Variants in LOC128092253 observed in about 807,000 individuals in gnomAD.
the LOC128092253 span, among the ~76,000 whole-genome samples, chr6:133,961,144 G>A: frequency 2.1e-4 from 32 of 152,216 alleles, no homozygotes; most frequent in East Asian, 6.0e-3. Flanking sequence ...TATTGCTATC[G>A]TGAAAGATAT....
At chr6:133,968,398 C>T in the LOC128092253 span, among the ~76,000 whole-genome samples, 225 of 152,192 alleles carry the variant, frequency 1.5e-3, 1 homozygote, top group African/African-American at 5.2e-3. Flanking sequence ...CTCATCTTTG[C>T]GTTTGAATTT....
At chr6:133,975,365 A>T in the LOC128092253 span, among the ~76,000 whole-genome samples, 1 of 151,454 alleles carries the variant, frequency 6.6e-6, no homozygotes. Context: ...CAGAGACATG[A>T]ATTATTTTAA....
At chr6:133,978,399 A>G in the LOC128092253 span, among the ~76,000 whole-genome samples, 1 of 152,338 alleles carries the variant, frequency 6.6e-6, no homozygotes. Flanking sequence ...ACTGAGACAC[A>G]GGTTACATAA....
the LOC128092253 span, among the ~76,000 whole-genome samples, chr6:133,963,070 C>A: frequency 1.3e-5 from 2 of 152,126 alleles, no homozygotes; most frequent in Non-Finnish European, 2.9e-5. Flanking sequence ...ATGAGCCATT[C>A]ATTTGTAACA....
the LOC128092253 span, chr6:133,968,838 T>G: frequency 2.0e-5 from 3 of 152,166 alleles, no homozygotes; most frequent in Non-Finnish European, 4.4e-5. Context: ...CCTGGCTAAT[T>G]TTTGTATTTT....
At chr6:133,958,990 A>T in the LOC128092253 span, among the ~76,000 whole-genome samples, 2 of 152,020 alleles carry the variant, frequency 1.3e-5, no homozygotes, top group Non-Finnish European at 2.9e-5. Context: ...CACCAAATAG[A>T]TAGAGATATA....
the LOC128092253 span, among the ~76,000 whole-genome samples, chr6:133,963,947 G>A: frequency 8.3e-3 from 1,266 of 151,816 alleles, 35 homozygotes; most frequent in Admixed American, 0.061. Flanking sequence ...AGGCTGAGGC[G>A]GGAGAATGGT....
chr6:133,973,252 G>A, the LOC128092253 span, among the ~76,000 whole-genome samples: 1 of 152,128 alleles, frequency 6.6e-6, no homozygotes, highest in African/African-American at 2.4e-5. Flanking sequence ...GGTTCCTATT[G>A]TGTTTGCAAA....
the LOC128092253 span, among the ~76,000 whole-genome samples, chr6:133,976,680 A>T: frequency 6.6e-6 from 1 of 152,198 alleles, no homozygotes; most frequent in Non-Finnish European, 1.5e-5. Context: ...AGGCAATCAG[A>T]TGCTTTGTAG....
chr6:133,977,499 C>T, the LOC128092253 span, among the ~76,000 whole-genome samples: 1 of 152,104 alleles, frequency 6.6e-6, no homozygotes, highest in Non-Finnish European at 1.5e-5. Context: ...GTAGTAAATT[C>T]AGAGTAGAGT....
the LOC128092253 span, among the ~76,000 whole-genome samples, chr6:133,954,160 A>T: frequency 1.3e-5 from 2 of 152,232 alleles, no homozygotes; most frequent in Non-Finnish European, 2.9e-5. Flanking sequence ...CAATGTGCTC[A>T]TTGCAATAAG....
At chr6:133,961,286 C>T in the LOC128092253 span, among the ~76,000 whole-genome samples, 1 of 152,078 alleles carries the variant, frequency 6.6e-6, no homozygotes, top group Non-Finnish European at 1.5e-5. Context: ...GTTCTAAAGA[C>T]ACACATTTAA....
At chr6:133,954,129 A>G in the LOC128092253 span, among the ~76,000 whole-genome samples, 1 of 152,230 alleles carries the variant, frequency 6.6e-6, no homozygotes, top group Non-Finnish European at 1.5e-5. Flanking sequence ...TCCTGCCGAG[A>G]TGTGCATCTG....
the LOC128092253 span, among the ~76,000 whole-genome samples, chr6:133,960,141 G>A: frequency 6.6e-6 from 1 of 152,150 alleles, no homozygotes; most frequent in Non-Finnish European, 1.5e-5. Flanking sequence ...ATTGCTTGTG[G>A]GTTGACCTCC....
At chr6:133,962,266 G>A in the LOC128092253 span, among the ~76,000 whole-genome samples, 1 of 152,194 alleles carries the variant, frequency 6.6e-6, no homozygotes, top group Non-Finnish European at 1.5e-5. Context: ...TCTTCAGATA[G>A]GGAGACAATT....
the LOC128092253 span, among the ~76,000 whole-genome samples, chr6:133,974,825 G>C: frequency 1.3e-5 from 2 of 152,150 alleles, no homozygotes; most frequent in East Asian, 3.8e-4. Context: ...ATTCTTTTAA[G>C]TTAGCATTTC....
the LOC128092253 span, among the ~76,000 whole-genome samples, chr6:133,972,022 CT>C: frequency 6.6e-6 from 1 of 152,094 alleles, no homozygotes; most frequent in Non-Finnish European, 1.5e-5. Flanking sequence ...GTGATAACTA[CT>C]ATACAAGTCT....
the LOC128092253 span, among the ~76,000 whole-genome samples, chr6:133,977,418 T>G: frequency 6.6e-6 from 1 of 152,314 alleles, no homozygotes; most frequent in Non-Finnish European, 1.5e-5. Context: ...CAGATTTTCT[T>G]TACCCCTTTT....
chr6:133,978,924 T>C, the LOC128092253 span, among the ~76,000 whole-genome samples: 11 of 152,234 alleles, frequency 7.2e-5, no homozygotes, highest in Non-Finnish European at 1.0e-4. Flanking sequence ...TTTTTATCAT[T>C]TTCTGATCTT....
Sources: gnomAD v4.1 joint callset for allele counts (sites outside exome capture counted in the v4.1 genomes callset) on GRCh38, gnomAD v4.1.1 for gene constraint, MANE v1.5 for transcripts.